The following TSPAN9 variants were observed in gnomAD, a reference collection of about 807,000 sequenced individuals.
The protein encoded by TSPAN9 is tetraspanin-9.
Under a neutral mutation model 31.0 loss-of-function variants are expected in TSPAN9, and 16 were observed. That is an observed-to-expected ratio of 0.52 (90% confidence interval 0.35 to 0.78). TSPAN9 has a LOEUF of 0.78. Ranked by LOEUF, TSPAN9 falls within the 30% of genes least tolerant of loss-of-function variation. TSPAN9 has a pLI of 0.01. For missense variants in TSPAN9, 272 were observed against 312.5 expected, an observed-to-expected ratio of 0.87 and a Z score of 0.98; for synonymous variants, 145 against 121.6, an observed-to-expected ratio of 1.19 and a Z score of -1.27.
chr12:3,238,516 C>T (rs920099029), intron 3 of TSPAN9, among the ~76,000 whole-genome samples: 4 of 152,206 alleles, frequency 2.6e-5, no homozygotes, highest in African/African-American at 9.7e-5. Context: ...CTAGGAATAC[C>T]AAACCCTACA....
At chr12:3,123,623 G>GT (rs938529286) in intron 2 of TSPAN9, among the ~76,000 whole-genome samples, 13 of 67,072 alleles carry the variant, frequency 1.9e-4, no homozygotes, top group South Asian at 4.7e-4. Context: ...TTATTATTAT[G>GT]TATTTTTTTT....
chr12:3,167,290 A>G (rs2098348998), intron 2 of TSPAN9, among the ~76,000 whole-genome samples: 1 of 152,240 alleles, frequency 6.6e-6, no homozygotes. Flanking sequence ...GATGAGCAGT[A>G]GGAATGGGAT....
At chr12:3,261,478 G>A (rs545468946) in intron 3 of TSPAN9, among the ~76,000 whole-genome samples, 1 of 152,226 alleles carries the variant, frequency 6.6e-6, no homozygotes, top group East Asian at 1.9e-4. Flanking sequence ...CTCAACCATG[G>A]GCCCCAGGTC....
chr12:3,201,506 G>C (rs2098371808), intron 3 of TSPAN9, among the ~76,000 whole-genome samples: 1 of 152,124 alleles, frequency 6.6e-6, no homozygotes, highest in African/African-American at 2.4e-5. Flanking sequence ...CTCCTAGGAG[G>C]CTGGCAAAGT....
chr12:3,178,065 T>C (rs1328116147), intron 2 of TSPAN9, among the ~76,000 whole-genome samples: 1 of 152,168 alleles, frequency 6.6e-6, no homozygotes, highest in Non-Finnish European at 1.5e-5. Flanking sequence ...TGTTTTCCTG[T>C]GGTGGTATTG....
chr12:3,265,606 A>C (rs1862523541), intron 3 of TSPAN9, among the ~76,000 whole-genome samples: 1 of 152,152 alleles, frequency 6.6e-6, no homozygotes, highest in Non-Finnish European at 1.5e-5. Context: ...GGCTGGACTG[A>C]GCGTCTGTCC....
chr12:3,148,525 T>C (rs954563882), intron 2 of TSPAN9, among the ~76,000 whole-genome samples: 2 of 152,126 alleles, frequency 1.3e-5, no homozygotes, highest in African/African-American at 4.8e-5. Context: ...TGGCAGGGTA[T>C]GGAACGTGGG....
intron 2 of TSPAN9, among the ~76,000 whole-genome samples, chr12:3,176,217 G>C (rs1014451534): frequency 1.3e-5 from 2 of 152,190 alleles, no homozygotes; most frequent in Admixed American, 1.3e-4. Flanking sequence ...TCTCAGCATC[G>C]AGCCTTACGG....
intron 3 of TSPAN9, among the ~76,000 whole-genome samples, chr12:3,205,273 C>T (rs1041118737): frequency 7.9e-5 from 12 of 152,214 alleles, no homozygotes; most frequent in Non-Finnish European, 1.6e-4. Context: ...GTGGATCGCT[C>T]CCTTAATGAA....
intron 2 of TSPAN9, among the ~76,000 whole-genome samples, chr12:3,109,579 C>T (rs2098317228): frequency 6.6e-6 from 1 of 151,648 alleles, no homozygotes; most frequent in African/African-American, 2.4e-5. Context: ...GGGTGGATCA[C>T]CTGAGGTCAG....
chr12:3,252,590 G>A (rs774288698), intron 3 of TSPAN9, among the ~76,000 whole-genome samples: 3 of 152,240 alleles, frequency 2.0e-5, no homozygotes, highest in Admixed American at 6.5e-5. Context: ...GGCCTGGGCC[G>A]ACTCTTGCAA....
chr12:3,232,606 G>A (rs1277732705), intron 3 of TSPAN9, among the ~76,000 whole-genome samples: 1 of 152,268 alleles, frequency 6.6e-6, no homozygotes, highest in Non-Finnish European at 1.5e-5. Flanking sequence ...CAGAACTATA[G>A]ACTTGCAGTT....
At chr12:3,160,149 C>T (rs1412351978) in intron 2 of TSPAN9, among the ~76,000 whole-genome samples, 1 of 152,170 alleles carries the variant, frequency 6.6e-6, no homozygotes, top group African/African-American at 2.4e-5. Flanking sequence ...TGTGGTGTTG[C>T]TTATATTGTG....
chr12:3,124,364 TA>T (rs1177949272), intron 2 of TSPAN9, among the ~76,000 whole-genome samples: 2 of 152,226 alleles, frequency 1.3e-5, no homozygotes, highest in African/African-American at 4.8e-5. Context: ...GCACTATTTA[TA>T]GTAGCTAAAA....
chr12:3,219,549 C>A lies in TSPAN9; in HGVS notation c.63+18293C>A, dbSNP rs77469681. On this transcript the variant is annotated intron_variant, in intron 3 of 8. Transcript: ENST00000011898. ...AAGAGTCAGCCAGACAGGCAGCTCTCTCAAATGGAGATCCTTTGAAGACTA... is the reference window on the plus strand; with the variant it reads ...AAGAGTCAGCCAGACAGGCAGCTCTATCAAATGGAGATCCTTTGAAGACTA... 9.7e-3 allele frequency among the ~76,000 whole-genome samples: 1,470 copies of A among 152,242 alleles called. 22 individuals are homozygous for A. The highest frequency in any genetic ancestry group is 0.034 in the African/African-American group (1,406 of 41,534).
At chr12:3,119,620 G>A (rs567835284) in intron 2 of TSPAN9, among the ~76,000 whole-genome samples, 2 of 152,302 alleles carry the variant, frequency 1.3e-5, no homozygotes, top group Non-Finnish European at 2.9e-5. Context: ...TCACTGGAGG[G>A]CCTCTCTGCT....
chr12:3,212,173 T>C (rs1348565984), intron 3 of TSPAN9, among the ~76,000 whole-genome samples: 1 of 152,120 alleles, frequency 6.6e-6, no homozygotes, highest in Admixed American at 6.5e-5. Context: ...GGCTTCGCTA[T>C]GTTGCCCAGG....
intron 2 of TSPAN9, among the ~76,000 whole-genome samples, chr12:3,101,216 AG>A (rs2098311709): frequency 6.6e-6 from 1 of 152,158 alleles, no homozygotes; most frequent in Admixed American, 6.5e-5. Context: ...CAACATGTGT[AG>A]GATTGAGGAC....
intron 3 of TSPAN9, among the ~76,000 whole-genome samples, chr12:3,221,352 A>ATTTTTTTTT (rs200531623): frequency 7.6e-6 from 1 of 131,646 alleles, no homozygotes. Flanking sequence ...TATTTAAAAT[A>ATTTTTTTTT]TTTTTCTCTT....
Sources: gnomAD v4.1 joint callset for allele counts (sites outside exome capture counted in the v4.1 genomes callset) on GRCh38, gnomAD v4.1.1 for gene constraint, MANE v1.5 for transcripts, NCBI Gene and HGNC (gene_info 2026-07-23, HGNC 2026-07-21) for gene names.